The following PCDH15 variants were observed in gnomAD, a reference collection of about 807,000 sequenced individuals.
PCDH15 encodes the protein protocadherin-15.
In PCDH15, 129 loss-of-function variants were observed where a neutral mutation model predicts 178.5. The observed-to-expected ratio is 0.72, with a 90% CI of 0.63 to 0.84. PCDH15 has a LOEUF of 0.84. Ranked by LOEUF, PCDH15 falls within the 40% of genes least tolerant of loss-of-function variation. The pLI, the probability that PCDH15 is intolerant of heterozygous loss-of-function variation, is 0.00. For missense variants in PCDH15, 2,230 were observed against 2,099.9 expected, an observed-to-expected ratio of 1.06 and a Z score of -1.21; for synonymous variants, 800 against 732.0, an observed-to-expected ratio of 1.09 and a Z score of -1.50.
At chr10:54,883,025 C>T (rs1257546642) in intron 3 of PCDH15, among the ~76,000 whole-genome samples, 1 of 151,968 alleles carries the variant, frequency 6.6e-6, no homozygotes, top group Non-Finnish European at 1.5e-5. Context: ...AACCAAGCTG[C>T]AGTGATGCTG....
intron 29 of PCDH15, among the ~76,000 whole-genome samples, chr10:53,832,822 C>T (rs1315051387): frequency 1.3e-5 from 2 of 151,960 alleles, no homozygotes; most frequent in Non-Finnish European, 2.9e-5. Flanking sequence ...ATCCCGTTAA[C>T]ACACTGTTCA....
In PCDH15 at chr10:55,302,489, T is replaced by G. The variant is rs147157328; in HGVS notation, c.-156+17110A>C. 5.7e-3 allele frequency among the ~76,000 whole-genome samples: 865 copies of G among 152,248 alleles called. 7 individuals are homozygous for G. The highest frequency in any genetic ancestry group is 0.018 in the African/African-American group (767 of 41,566). ...GAATCTGCAGGGTAAGTTGGCAGGC[T>G]GACCAAGGAAAACCGTATTTTGCAC... On this transcript the variant is annotated intron_variant, in intron 1 of 5. Coordinates refer to the PCDH15 transcript ENST00000458638.
chr10:55,352,888 C>T (rs1442097150), intron 2 of PCDH15, among the ~76,000 whole-genome samples: 6 of 152,074 alleles, frequency 3.9e-5, no homozygotes, highest in African/African-American at 1.4e-4. Flanking sequence ...TCCACTACGG[C>T]TTTCTTAATC....
intron 1 of PCDH15, among the ~76,000 whole-genome samples, chr10:54,740,086 G>A (rs1041372700): frequency 6.6e-6 from 1 of 151,772 alleles, no homozygotes; most frequent in African/African-American, 2.4e-5. Context: ...AATCAACAAA[G>A]TGAGGAGACA....
At chr10:54,206,175 C>A (rs1386995807) in intron 10 of PCDH15, among the ~76,000 whole-genome samples, 2 of 152,066 alleles carry the variant, frequency 1.3e-5, no homozygotes, top group East Asian at 1.9e-4. Context: ...CTCTTGTATA[C>A]CTTTCAATGA....
At chr10:54,563,838 A>G (rs1393671168) in intron 2 of PCDH15, among the ~76,000 whole-genome samples, 1 of 152,174 alleles carries the variant, frequency 6.6e-6, no homozygotes, top group African/African-American at 2.4e-5. Flanking sequence ...ATACAACCTT[A>G]CCCTAAGAAA....
At chr10:54,310,885 A>T (rs1470642607) in intron 8 of PCDH15, among the ~76,000 whole-genome samples, 1 of 152,068 alleles carries the variant, frequency 6.6e-6, no homozygotes, top group Non-Finnish European at 1.5e-5. Context: ...AGGGAATGAG[A>T]AAAAACGGTA....
chr10:54,382,941 C>T (rs1388848452), intron 3 of PCDH15, among the ~76,000 whole-genome samples: 5 of 151,986 alleles, frequency 3.3e-5, no homozygotes, highest in East Asian at 1.9e-4. Flanking sequence ...GAATCTTGGC[C>T]GCACACTATT....
intron 2 of PCDH15, among the ~76,000 whole-genome samples, chr10:54,646,698 T>C (rs908466013): frequency 2.0e-5 from 3 of 152,076 alleles, no homozygotes; most frequent in African/African-American, 7.2e-5. Context: ...TCTTTCCACT[T>C]GTTTTCATTA....
chr10:54,717,091 C>T (rs80096215), intron 1 of PCDH15, among the ~76,000 whole-genome samples: 19,115 of 143,960 alleles, frequency 0.13, 1,715 homozygotes, highest in East Asian at 0.25. Flanking sequence ...CTTCCTTACA[C>T]CTTATACAAA....
At chr10:55,286,900 T>C (rs1466551821) in intron 1 of PCDH15, among the ~76,000 whole-genome samples, 1 of 152,048 alleles carries the variant, frequency 6.6e-6, no homozygotes, top group Non-Finnish European at 1.5e-5. Flanking sequence ...GGACTTACTA[T>C]TTTAGGATCC....
At chr10:55,335,059 G>A (rs1458941981) in intron 2 of PCDH15, among the ~76,000 whole-genome samples, 1 of 152,096 alleles carries the variant, frequency 6.6e-6, no homozygotes, top group African/African-American at 2.4e-5. Flanking sequence ...ATCTGCTATG[G>A]GGTCTCAAAC....
chr10:55,065,720 A>G (rs1012686198), intron 2 of PCDH15, among the ~76,000 whole-genome samples: 1 of 152,170 alleles, frequency 6.6e-6, no homozygotes, highest in East Asian at 1.9e-4. Flanking sequence ...TACTGTTAAT[A>G]AAAACTAAAG....
intron 2 of PCDH15, among the ~76,000 whole-genome samples, chr10:55,443,993 A>G (rs1448064086): frequency 2.6e-5 from 4 of 152,288 alleles, no homozygotes; most frequent in Admixed American, 2.6e-4. Context: ...AGGGAAATGC[A>G]TGAAGCTGGA....
chr10:54,523,979 T>C (rs2083133723), intron 3 of PCDH15, among the ~76,000 whole-genome samples: 1 of 152,166 alleles, frequency 6.6e-6, no homozygotes, highest in South Asian at 2.1e-4. Flanking sequence ...GATGGAGAAA[T>C]ACTGCTTAGG....
At chr10:53,874,703 A>C (rs1183712979) in intron 26 of PCDH15, among the ~76,000 whole-genome samples, 1 of 150,352 alleles carries the variant, frequency 6.7e-6, no homozygotes, top group Non-Finnish European at 1.5e-5. Context: ...ATAATTATCA[A>C]AACAAACAAG....
chr10:54,758,209 G>T (rs1947413819), intron 1 of PCDH15, among the ~76,000 whole-genome samples: 1 of 151,946 alleles, frequency 6.6e-6, no homozygotes. Context: ...ACTTTAAATG[G>T]TTCGACTTAT....
intron 2 of PCDH15, among the ~76,000 whole-genome samples, chr10:55,583,208 T>C (rs1842657401): frequency 6.6e-6 from 1 of 152,168 alleles, no homozygotes; most frequent in African/African-American, 2.4e-5. Flanking sequence ...TGCAAACTAA[T>C]GAGTACAATG....
At chr10:54,207,619 G>A (rs921277253) in intron 10 of PCDH15, among the ~76,000 whole-genome samples, 2 of 151,944 alleles carry the variant, frequency 1.3e-5, no homozygotes, top group Non-Finnish European at 2.9e-5. Context: ...GTTGGATATG[G>A]TATCAGGCAC....
Sources: gnomAD v4.1 joint callset for allele counts (sites outside exome capture counted in the v4.1 genomes callset) on GRCh38, gnomAD v4.1.1 for gene constraint, MANE v1.5 for transcripts, NCBI Gene and HGNC (gene_info 2026-07-23, HGNC 2026-07-21) for gene names.